MYCT1: variants seen among roughly 807,000 people sequenced by gnomAD.
The protein encoded by MYCT1 is myc target protein 1.
In MYCT1, 12 loss-of-function variants were observed where a neutral mutation model predicts 15.0. That is an observed-to-expected ratio of 0.80 (90% CI 0.51 to 1.29). MYCT1 has a LOEUF of 1.29. Ranked by LOEUF, MYCT1 falls within the 50% of genes most tolerant of loss-of-function variation. The probability of loss-of-function intolerance (pLI) is 0.00; values close to 1 mark genes in which losing one functional copy is unlikely to be tolerated. For missense variants in MYCT1, 287 were observed against 279.1 expected (o/e 1.03, Z -0.20); for synonymous variants, 104 against 102.7 (o/e 1.01, Z -0.07).
At chr6:152,734,356 T>G in the MYCT1 span, among the ~76,000 whole-genome samples, 1 of 152,184 alleles carries the variant, frequency 6.6e-6, no homozygotes, top group Non-Finnish European at 1.5e-5. Flanking sequence ...AGCGCAAAAC[T>G]TATGGTTCAA....
intron 1 of MYCT1, among the ~76,000 whole-genome samples, chr6:152,708,733 A>G (rs1227389563): frequency 1.3e-5 from 2 of 152,044 alleles, no homozygotes; most frequent in Non-Finnish European, 2.9e-5. Flanking sequence ...GATGGTCTCA[A>G]TTTCTTCTTA....
chr6:152,703,875 G>C (rs2099721745), intron 1 of MYCT1, among the ~76,000 whole-genome samples: 2 of 151,960 alleles, frequency 1.3e-5, no homozygotes, highest in South Asian at 4.1e-4. Flanking sequence ...TGTAGAAATT[G>C]AGGGATTGTT....
intron 1 of MYCT1, among the ~76,000 whole-genome samples, 199 bp downstream of exon 1, chr6:152,698,297 T>A (rs1936725): frequency 6.6e-6 from 1 of 151,442 alleles, no homozygotes; most frequent in Non-Finnish European, 1.5e-5. Flanking sequence ...TATATACTTA[T>A]ATATTTATTT....
At chr6:152,704,240 G>A (rs983067727) in intron 1 of MYCT1, among the ~76,000 whole-genome samples, 1 of 151,964 alleles carries the variant, frequency 6.6e-6, no homozygotes, top group East Asian at 1.9e-4. Context: ...GGGCTCAAGC[G>A]ATTTGCCCAC....
At chr6:152,735,763 A>G in the MYCT1 span, among the ~76,000 whole-genome samples, 1 of 152,152 alleles carries the variant, frequency 6.6e-6, no homozygotes, top group African/African-American at 2.4e-5. Context: ...TTGTTTACTT[A>G]ATTTCAGAAT....
chr6:152,716,342 C>T (rs1306224923), intron 1 of MYCT1, among the ~76,000 whole-genome samples: 2 of 152,132 alleles, frequency 1.3e-5, no homozygotes, highest in African/African-American at 4.8e-5. Context: ...AACCATTCTC[C>T]TATACACTCT....
intron 1 of MYCT1, among the ~76,000 whole-genome samples, chr6:152,714,271 C>T (rs2099723242): frequency 6.8e-6 from 1 of 147,216 alleles, no homozygotes; most frequent in African/African-American, 2.5e-5. Flanking sequence ...TTTTTCATAT[C>T]TGGCTTTGAT....
In MYCT1 at chr6:152,722,158, C is replaced by T; in HGVS notation, c.613C>T (p.Pro205Ser). 1 of 1,614,180 alleles carries T rather than the reference C, an allele frequency of 6.2e-7. No individual in the cohort carries two copies. Among genetic ancestry groups the T allele is most frequent in the Non-Finnish European group, 8.5e-7 (1 of 1,180,012 alleles). Residue 205 changes from proline (P) to serine (S), a missense_variant, in exon 2 of 2, where the codon CCT becomes TCT. Pro to Ser is a moderately conservative substitution (Grantham distance 74, BLOSUM62 -1). Transcript: ENST00000367245. ...TISTSHSLSRPDYWSSNSLRV... is the reference protein window; with the variant it reads ...TISTSHSLSRSDYWSSNSLRV... ...CAGCACTTCCCACAGTCTGAGCCGT[C>T]CTGACTACTGGTCCAGTAACAGTCT... is the stretch of plus-strand genomic sequence containing the variant.
rs1355001484 is a variant in MYCT1, at chr6:152,712,492, G to A, written c.197-9250G>A. 7.6e-3 allele frequency among the ~76,000 whole-genome samples: 549 copies of A among 71,986 alleles called. 224 individuals are homozygous for A. Among genetic ancestry groups the A allele is most frequent in the Non-Finnish European group, 0.013 (406 of 30,200 alleles). The allele number at this position is 71,986 out of a possible 152,430, so 47.2% of individuals were successfully genotyped here. The stretch of plus-strand genomic sequence containing the variant: ...AATGCCTCGCCCTGCTTCGGCTCGC[G>A]CACGGTGCGCACACACACTGGCCTG... On this transcript the variant is annotated intron_variant, in intron 1 of 1. Transcript: ENST00000367245.
chr6:152,713,284 AT>A (rs1210417467), intron 1 of MYCT1, among the ~76,000 whole-genome samples: 6 of 152,036 alleles, frequency 3.9e-5, no homozygotes, highest in Middle Eastern at 3.4e-3. Flanking sequence ...GAAATTTCCT[AT>A]CATTTTATTC....
At chr6:152,706,661 A>G (rs2099722326) in intron 1 of MYCT1, among the ~76,000 whole-genome samples, 1 of 152,094 alleles carries the variant, frequency 6.6e-6, no homozygotes, top group Admixed American at 6.6e-5. Flanking sequence ...ATTTTAGGCT[A>G]ATGTAAGTAT....
chr6:152,699,986 G>A (rs1215645899), intron 1 of MYCT1, among the ~76,000 whole-genome samples: 1 of 151,998 alleles, frequency 6.6e-6, no homozygotes, highest in East Asian at 1.9e-4. Flanking sequence ...AAAGGGGAGT[G>A]TTACATTGAT....
chr6:152,722,040 T>A lies in MYCT1; in HGVS notation c.495T>A (p.Ser165=). 4 of 1,614,192 alleles carry A rather than the reference T, an allele frequency of 2.5e-6. No individual in the cohort carries two copies. Among genetic ancestry groups the A allele is most frequent in the Non-Finnish European group, 3.4e-6 (4 of 1,180,038 alleles). Reference sequence around the variant, plus strand: ...CAAGAAAATCAAGTTTCAGAGCTTCTACTTTCCATCCCTTTCTGCAATGTC... The same window carrying A: ...CAAGAAAATCAAGTTTCAGAGCTTCAACTTTCCATCCCTTTCTGCAATGTC... The part of the protein sequence containing the change: ...SFPRKSSFRA[S]TFHPFLQCPP... The change falls in exon 2 of 2, where the codon TCT becomes TCA. Residue 165 remains serine (S), a synonymous_variant. Transcript: ENST00000367245.
the MYCT1 span, among the ~76,000 whole-genome samples, chr6:152,746,756 C>T: frequency 6.6e-6 from 1 of 152,102 alleles, no homozygotes; most frequent in African/African-American, 2.4e-5. Flanking sequence ...TACATACAAC[C>T]CTAATAAAGT....
chr6:152,741,635 CAT>C, the MYCT1 span, among the ~76,000 whole-genome samples: 2 of 152,086 alleles, frequency 1.3e-5, no homozygotes. Flanking sequence ...GGTAATGAAT[CAT>C]AGAATTTAAA....
At chr6:152,742,145 T>A in the MYCT1 span, among the ~76,000 whole-genome samples, 1 of 152,184 alleles carries the variant, frequency 6.6e-6, no homozygotes, top group African/African-American at 2.4e-5. Flanking sequence ...TGTCATTGTA[T>A]GTCACTGTAG....
the MYCT1 span, among the ~76,000 whole-genome samples, chr6:152,743,251 A>G: frequency 6.6e-6 from 1 of 152,012 alleles, no homozygotes. Flanking sequence ...TTTATAGTAG[A>G]GATAGGGTTA....
chr6:152,705,734 CCTT>C, intron 1 of MYCT1: 1 of 272,978 alleles, frequency 3.7e-6, no homozygotes, highest in Admixed American at 5.2e-5. Flanking sequence ...AAAATTTTCC[CCTT>C]CTTTGGTGTA....
the MYCT1 span, among the ~76,000 whole-genome samples, chr6:152,733,839 T>C: frequency 2.6e-5 from 4 of 152,190 alleles, no homozygotes; most frequent in Non-Finnish European, 5.9e-5. Context: ...CCTCAAGTTG[T>C]CACAAGTCTT....
Sources: allele counts gnomAD v4.1 joint callset (sites outside exome capture counted in the v4.1 genomes callset), GRCh38; gene constraint gnomAD v4.1.1; transcripts MANE v1.5; gene names NCBI Gene and HGNC (gene_info 2026-07-23, HGNC 2026-07-21).